The following CFI variants were observed in gnomAD, a reference collection of about 807,000 sequenced individuals.
CFI encodes C3B/C4B inactivator.
A neutral mutation model predicts 78.8 loss-of-function variants in CFI; 66 were observed. The observed-to-expected ratio is 0.84, with a 90% CI of 0.69 to 1.03. The LOEUF (loss-of-function observed/expected upper bound fraction) is 1.03. CFI is among the 50% of genes least tolerant of loss of function. The probability of loss-of-function intolerance (pLI) is 0.00; values close to 1 mark genes in which losing one functional copy is unlikely to be tolerated. For synonymous variants in CFI, 250 were observed against 232.6 expected (o/e 1.07, Z -0.68); for missense variants, 706 against 704.5 (o/e 1.00, Z -0.02).
At chr4:109,759,298 G>A (rs1040486586) in intron 6 of CFI, among the ~76,000 whole-genome samples, 2 of 151,750 alleles carry the variant, frequency 1.3e-5, no homozygotes, top group Non-Finnish European at 2.9e-5. Context: ...TTGGGGTAGG[G>A]AGGTGGGGAA....
chr4:109,738,237 TC>T (rs370626955), downstream of CFI, among the ~76,000 whole-genome samples: 38 of 151,560 alleles, frequency 2.5e-4, no homozygotes, highest in African/African-American at 9.0e-4. Flanking sequence ...ACCTCAGCCT[TC>T]CAAGTAGCAG....
intron 8 of CFI, among the ~76,000 whole-genome samples, chr4:109,751,867 A>C (rs1725185523): frequency 6.6e-6 from 1 of 152,284 alleles, no homozygotes; most frequent in Non-Finnish European, 1.5e-5. Flanking sequence ...TTTTATTCCC[A>C]ATTTGTATTT....
At chr4:109,748,184 T>C (rs1724710986) in intron 10 of CFI, among the ~76,000 whole-genome samples, 1 of 152,222 alleles carries the variant, frequency 6.6e-6, no homozygotes, top group Non-Finnish European at 1.5e-5. Context: ...TTGTTTATAG[T>C]GTTCCAAGAA....
intron 12 of CFI, chr4:109,741,436 A>C: frequency 2.6e-6 from 2 of 756,918 alleles, no homozygotes; most frequent in Non-Finnish European, 3.2e-6. Context: ...CCTAGTGCTT[A>C]CTGAGTGCTA....
intron 4 of CFI, 146 bp from the exon 5 acceptor site, chr4:109,760,782 C>T (rs1726957714): frequency 6.1e-6 from 4 of 661,114 alleles, no homozygotes; most frequent in Admixed American, 2.2e-5. Context: ...CAACATAGTA[C>T]ATATGACTCA....
chr4:109,745,171 C>T (rs6822669), intron 11 of CFI, among the ~76,000 whole-genome samples: 138,741 of 152,238 alleles, frequency 0.91, 64,546 homozygotes, highest in East Asian at 1. Context: ...TTAAATCTTC[C>T]TTTTTTTCTG....
chr4:109,737,002 A>G (rs921059779), downstream of CFI, among the ~76,000 whole-genome samples: 3 of 152,106 alleles, frequency 2.0e-5, no homozygotes, highest in Non-Finnish European at 4.4e-5. Flanking sequence ...ACTGTAATCT[A>G]TTTGTCCCCA....
At chr4:109,756,973 GAA>G (rs1214168747) in intron 7 of CFI, among the ~76,000 whole-genome samples, 9 of 138,684 alleles carry the variant, frequency 6.5e-5, no homozygotes, top group African/African-American at 2.4e-4. Flanking sequence ...AAGAAAGAAA[GAA>G]AGAAATTCTG....
chr4:109,742,475 A>G lies in CFI; in HGVS notation c.1534+16T>C. The G allele has an allele frequency of 6.6e-7, 1 of 1,522,844 alleles. No homozygotes were observed. 94.3% of individuals were successfully genotyped at this position (1,522,844 alleles called of 1,614,324 possible). A position where few individuals can be genotyped will look rare whatever the true frequency, so the allele number is the denominator to read the frequency against. On this transcript the variant is annotated intron_variant, in intron 12 of 12. Coordinates refer to ENST00000394634, the MANE Select transcript of CFI (RefSeq NM_000204.5). ...ACATACATCTTGACATCTTGGATAAACCACTTGGCACTTACCTGCACATTC... is the reference window on the plus strand; with the variant it reads ...ACATACATCTTGACATCTTGGATAAGCCACTTGGCACTTACCTGCACATTC...
chr4:109,733,824 A>G, the CFI span, among the ~76,000 whole-genome samples: 4 of 152,220 alleles, frequency 2.6e-5, no homozygotes, highest in African/African-American at 9.6e-5. Context: ...GCAGTTCAGC[A>G]TAAAGGTTAG....
chr4:109,788,050 A>C (rs1196880737), intron 1 of CFI, among the ~76,000 whole-genome samples: 1 of 152,060 alleles, frequency 6.6e-6, no homozygotes, highest in Admixed American at 6.6e-5. Context: ...TGTATACATG[A>C]GCCCATGTTA....
intron 7 of CFI, among the ~76,000 whole-genome samples, chr4:109,753,160 A>G (rs200694103): frequency 3.8e-4 from 18 of 47,272 alleles, no homozygotes; most frequent in African/African-American, 1.3e-3. Flanking sequence ...TTTATTATAT[A>G]AATAAATATT....
intron 1 of CFI, among the ~76,000 whole-genome samples, chr4:109,774,122 T>A (rs945208212): frequency 6.6e-6 from 1 of 152,244 alleles, no homozygotes. Flanking sequence ...TGGGCCTATA[T>A]TCATACAATA....
intron 1 of CFI, among the ~76,000 whole-genome samples, chr4:109,791,068 G>A (rs544650984): frequency 1.3e-5 from 2 of 152,260 alleles, no homozygotes; most frequent in Admixed American, 1.3e-4. Context: ...ACCACTAAAT[G>A]TGTATAAGCA....
At chr4:109,761,135 C>T (rs1378539662) in intron 4 of CFI, among the ~76,000 whole-genome samples, 2 of 152,176 alleles carry the variant, frequency 1.3e-5, no homozygotes, top group South Asian at 2.1e-4. Flanking sequence ...TGCCTGAAAA[C>T]TGAGGCACCA....
At position 109,779,397 on chromosome 4, in the gene CFI, A is replaced by T. The variant is rs1186118360; in HGVS notation, c.58-12573T>A. On this transcript the variant is annotated intron_variant, in intron 1 of 12. Coordinates refer to ENST00000394634, the MANE Select transcript of CFI (RefSeq NM_000204.5). ...TCCCATTCACAATTGCTTCAAAGAG[A>T]ATAAAATACCTAGGAATCCAACTTA... Among the ~76,000 whole-genome samples the T allele has an allele frequency of 6.6e-5, 10 of 152,288 alleles. No homozygotes were observed. The East Asian group carries it at 1.9e-3, about 29-fold the overall frequency.
intron 1 of CFI, among the ~76,000 whole-genome samples, chr4:109,778,333 T>C (rs1176673100): frequency 1.3e-5 from 2 of 152,050 alleles, no homozygotes; most frequent in African/African-American, 4.8e-5. Context: ...CAAACTACCA[T>C]CAGAGAATAC....
chr4:109,768,379 C>T (rs1728086897), intron 1 of CFI, among the ~76,000 whole-genome samples: 1 of 147,820 alleles, frequency 6.8e-6, no homozygotes, highest in Non-Finnish European at 1.5e-5. Context: ...ACAAACCTGG[C>T]TTCTAGACCC....
At chr4:109,737,343 G>T (rs1344384555), downstream of CFI, among the ~76,000 whole-genome samples, 3 of 152,100 alleles carry the variant, frequency 2.0e-5, no homozygotes, top group Non-Finnish European at 4.4e-5. Flanking sequence ...CAGGGCCTTT[G>T]CATTTGTATC....
Sources: allele counts gnomAD v4.1 joint callset (sites outside exome capture counted in the v4.1 genomes callset), GRCh38; gene constraint gnomAD v4.1.1; transcripts MANE v1.5; gene names NCBI Gene and HGNC (gene_info 2026-07-23, HGNC 2026-07-21).